The following LPP variants were observed in gnomAD, a reference collection of about 807,000 sequenced individuals.
LPP encodes the protein lipoma-preferred partner.
In LPP, 38 loss-of-function variants were observed where a neutral mutation model predicts 60.4. The ratio of observed to expected loss-of-function variants is 0.63; its 90% CI spans 0.49 to 0.83. LPP has a LOEUF of 0.83. LPP is among the 40% of genes least tolerant of loss of function. The pLI is 0.00. For synonymous variants in LPP, 328 were observed against 290.8 expected (o/e 1.13, Z -1.30); for missense variants, 902 against 783.6 (o/e 1.15, Z -1.80).
At chr3:188,813,105 CT>C (rs1313152485) in intron 9 of LPP, among the ~76,000 whole-genome samples, 11 of 152,010 alleles carry the variant, frequency 7.2e-5, no homozygotes, top group Admixed American at 7.2e-4. Context: ...GCATTTGGAG[CT>C]TATAGACTCA....
chr3:188,536,348 G>A (rs6795150), intron 6 of LPP, among the ~76,000 whole-genome samples: 72,286 of 151,974 alleles, frequency 0.48, 18,075 homozygotes, highest in East Asian at 0.92. Flanking sequence ...CTGCCAGGAA[G>A]CTCTGCTTCA....
intron 2 of LPP, among the ~76,000 whole-genome samples, chr3:188,340,630 G>T (rs1358960530): frequency 6.6e-6 from 1 of 152,012 alleles, no homozygotes; most frequent in Non-Finnish European, 1.5e-5. Flanking sequence ...ATGATTATGG[G>T]CACAAAGTTG....
chr3:188,829,903 G>C (rs888115038), intron 9 of LPP, among the ~76,000 whole-genome samples: 2 of 151,952 alleles, frequency 1.3e-5, no homozygotes, highest in Non-Finnish European at 2.9e-5. Context: ...TGGGCATGGT[G>C]GCTCACATCT....
At chr3:188,441,070 T>C (rs1034997670) in intron 4 of LPP, among the ~76,000 whole-genome samples, 3 of 152,034 alleles carry the variant, frequency 2.0e-5, no homozygotes, top group African/African-American at 4.8e-5. Flanking sequence ...ATCAGATATA[T>C]GGATTGATTT....
intron 1 of LPP, among the ~76,000 whole-genome samples, chr3:188,183,643 A>G (rs1043935942): frequency 6.6e-6 from 1 of 151,798 alleles, no homozygotes; most frequent in Non-Finnish European, 1.5e-5. Flanking sequence ...GCGGAATAGA[A>G]CTAATGACCA....
chr3:188,781,808 C>G (rs559912306), intron 9 of LPP, among the ~76,000 whole-genome samples: 1 of 151,184 alleles, frequency 6.6e-6, no homozygotes, highest in South Asian at 2.1e-4. Context: ...AGGAGAATCA[C>G]TTGAACCCGG....
At chr3:188,282,622 C>A (rs757964103) in intron 2 of LPP, among the ~76,000 whole-genome samples, 2 of 152,164 alleles carry the variant, frequency 1.3e-5, no homozygotes, top group Admixed American at 6.5e-5. Context: ...CTCATGATTT[C>A]AGGCAACCTT....
chr3:188,173,439 G>A (rs1284868143), intron 1 of LPP, among the ~76,000 whole-genome samples: 2 of 152,142 alleles, frequency 1.3e-5, no homozygotes, highest in African/African-American at 4.8e-5. Context: ...GAGAGGCAGA[G>A]GTTGCAGTGA....
rs1277986044 is a variant in LPP, at chr3:188,636,741, T to TCCCTGAC, written c.1113+26908_1113+26914dup. On this transcript the variant is annotated intron_variant, in intron 7 of 11. Coordinates refer to ENST00000617246, the MANE Select transcript of LPP (RefSeq NM_001375462.1). Reference sequence around the variant, plus strand: ...TGGGCAGACTGCCTCCTCAAGTGGGTCCCTGACCCCTGACCCCCGAGCAGC... The same window carrying TCCCTGAC: ...TGGGCAGACTGCCTCCTCAAGTGGGTCCCTGACCCCTGACCCCTGACCCCCGAGCAGC... Among the ~76,000 whole-genome samples the TCCCTGAC allele has an allele frequency of 2.1e-4, 32 of 151,976 alleles. No individual in the cohort carries two copies. In the South Asian group the frequency reaches 4.2e-3, roughly 20 times the overall value.
chr3:188,866,179 G>A (rs765900033), intron 9 of LPP, 21 bp from the exon 10 acceptor site: 1 of 1,449,854 alleles, frequency 6.9e-7, no homozygotes, highest in Non-Finnish European at 9.2e-7. Context: ...AGTCTGACGT[G>A]GTTTCTGTTT....
chr3:188,323,816 G>A (rs1452104404), intron 2 of LPP, among the ~76,000 whole-genome samples: 1 of 152,206 alleles, frequency 6.6e-6, no homozygotes, highest in Non-Finnish European at 1.5e-5. Flanking sequence ...TATGGATTCA[G>A]CTTGTTAGGC....
Position 188,760,095 on chromosome 3 carries a change from A to C in LPP, c.1241-18A>C, listed in dbSNP as rs1731686092. The C allele has an allele frequency of 4.3e-6, 7 of 1,613,218 alleles. No homozygotes were observed. The highest frequency in any genetic ancestry group is 5.9e-6 in the Non-Finnish European group (7 of 1,179,810). ...AAGTACTCCTTGGTGTGTTCTTATCAAACCCTTTTTTTTCCAGGCCGCTGT... is the reference window on the plus strand; with the variant it reads ...AAGTACTCCTTGGTGTGTTCTTATCCAACCCTTTTTTTTCCAGGCCGCTGT... On this transcript the variant is annotated intron_variant, in intron 8 of 11. Transcript: ENST00000617246.
rs1865889879 is a variant in LPP, at chr3:188,708,338, C to T, written c.1185C>T (p.His395=). 1 of 1,614,128 alleles carries T rather than the reference C, an allele frequency of 6.2e-7. No individual in the cohort carries two copies. ...TCCGCCCAGAGGATGAGCTTGAGCACCTGACCAAAAAGATGCTGTATGACA... is the reference window on the plus strand; with the variant it reads ...TCCGCCCAGAGGATGAGCTTGAGCATCTGACCAAAAAGATGCTGTATGACA... The part of the protein sequence containing the change: ...PSFRPEDELE[H]LTKKMLYDME... The change falls in exon 8 of 12, where the codon CAC becomes CAT. Residue 395 remains histidine, a synonymous_variant. Coordinates refer to ENST00000617246, the MANE Select transcript of LPP (RefSeq NM_001375462.1).
intron 7 of LPP, among the ~76,000 whole-genome samples, chr3:188,640,180 A>C (rs1199601251): frequency 1.3e-5 from 2 of 150,618 alleles, no homozygotes; most frequent in African/African-American, 4.9e-5. Context: ...ATGGAATACT[A>C]TGCAGCCATA....
chr3:188,442,225 C>T (rs1200311477), intron 4 of LPP, among the ~76,000 whole-genome samples: 1 of 152,108 alleles, frequency 6.6e-6, no homozygotes, highest in African/African-American at 2.4e-5. Context: ...CTGCACCCAT[C>T]AACTCGTCAT....
chr3:188,680,821 T>G (rs1029401503), intron 7 of LPP, among the ~76,000 whole-genome samples: 3 of 152,268 alleles, frequency 2.0e-5, no homozygotes. Context: ...CTTTGAAATC[T>G]GGGAAAGTCT....
At chr3:188,562,941 C>T (rs114740175) in intron 6 of LPP, among the ~76,000 whole-genome samples, 11 of 152,016 alleles carry the variant, frequency 7.2e-5, no homozygotes, top group African/African-American at 7.2e-5. Context: ...ATAATATAAA[C>T]GGTAATAATA....
chr3:188,353,269 G>T (rs1288719275), intron 3 of LPP, among the ~76,000 whole-genome samples: 1 of 152,178 alleles, frequency 6.6e-6, no homozygotes, highest in Non-Finnish European at 1.5e-5. Context: ...ACCTGGAAGA[G>T]ATCTAAACAC....
intron 6 of LPP, among the ~76,000 whole-genome samples, chr3:188,552,900 G>A (rs1158227700): frequency 6.6e-6 from 1 of 152,164 alleles, no homozygotes; most frequent in Non-Finnish European, 1.5e-5. Flanking sequence ...TTGGCGGGGT[G>A]GGGAGGGCTG....
Sources: allele counts gnomAD v4.1 joint callset (sites outside exome capture counted in the v4.1 genomes callset), GRCh38; gene constraint gnomAD v4.1.1; transcripts MANE v1.5; gene names NCBI Gene and HGNC (gene_info 2026-07-23, HGNC 2026-07-21).